Variants in FARP2 observed in about 807,000 individuals in gnomAD.
The protein encoded by FARP2 is FERM, ARHGEF and pleckstrin domain-containing protein 2.
FARP2 carries 111 observed loss-of-function variants against 130.5 expected under a neutral mutation model. The observed-to-expected ratio is 0.85, with a 90% CI of 0.73 to 1.00. The LOEUF is 1.00. Ranked by LOEUF, FARP2 falls within the 50% of genes least tolerant of loss-of-function variation. The pLI, the probability that FARP2 is intolerant of heterozygous loss-of-function variation, is 0.00. For missense variants in FARP2, 1,385 were observed against 1,346.3 expected (o/e 1.03, Z -0.45); for synonymous variants, 504 against 516.9 (o/e 0.98, Z 0.34).
intron 13 of FARP2, 170 bp from the exon 14 acceptor site, chr2:241,456,577 G>C: frequency 1.5e-6 from 1 of 649,028 alleles, no homozygotes; most frequent in Non-Finnish European, 2.7e-6. Context: ...TTCATTTTAT[G>C]TCATGTTTAG....
intron 19 of FARP2, chr2:241,478,197 G>T (rs1178717240): frequency 6.5e-6 from 1 of 154,356 alleles, no homozygotes; most frequent in Non-Finnish European, 1.4e-5. Flanking sequence ...CTACTCGGGA[G>T]GCTAAGGTAG....
intron 1 of FARP2, among the ~76,000 whole-genome samples, chr2:241,359,575 C>T (rs1346051337): frequency 6.6e-6 from 1 of 152,188 alleles, no homozygotes; most frequent in East Asian, 1.9e-4. Flanking sequence ...CACACTATGT[C>T]CTTTGTCCAC....
intron 2 of FARP2, among the ~76,000 whole-genome samples, chr2:241,384,044 G>C (rs1214411554): frequency 6.6e-6 from 1 of 151,546 alleles, no homozygotes; most frequent in Non-Finnish European, 1.5e-5. Context: ...TTATCCCGCT[G>C]GGTCATGGTG....
At position 241,434,196 on chromosome 2, in the gene FARP2, T is replaced by C. The variant is rs190366874; in HGVS notation, c.906T>C (p.Ser302=). ...YQDTLEFLLG[S]RDECKNFWKI... is the part of the protein sequence containing the mutation. ...ACACATTAGAATTTTTGTTGGGTAGTAGAGATGAATGTAAGAACTTCTGGA... is the reference window on the plus strand; with the variant it reads ...ACACATTAGAATTTTTGTTGGGTAGCAGAGATGAATGTAAGAACTTCTGGA... Residue 302 remains serine (S), a synonymous_variant, in exon 10 of 27, where the codon AGT becomes AGC. Coordinates refer to ENST00000264042, the MANE Select transcript of FARP2 (RefSeq NM_014808.4). 1.9e-6 allele frequency: 3 copies of C among 1,613,680 alleles called. No homozygotes were observed. The East Asian group carries it at 6.7e-5, about 36-fold the overall frequency.
chr2:241,418,106 C>T lies in FARP2; in HGVS notation c.768C>T (p.Phe256=). 2 of 1,614,062 alleles carry T rather than the reference C, an allele frequency of 1.2e-6. No homozygotes were observed. The highest frequency in any genetic ancestry group is 1.1e-5 in the South Asian group (1 of 91,072). The change falls in exon 8 of 27, where the codon TTC becomes TTT. Residue 256 remains phenylalanine (F), a synonymous_variant. Transcript: ENST00000264042. ...TTTCCCACATGGGTGTACTCGTGTT[C>T]CAGGTAGGCCAGTGGGGAAGGGAGG... The part of the protein sequence containing the change: ...LAVSHMGVLV[F]QGTTKINTFN...
chr2:241,434,950 CTTTA>C lies in FARP2; in HGVS notation c.1032-9_1032-6del. ...ACTGTTCTTTATTAAAAATCTGAAT[CTTTA>C]TTCACAGTGGAAGAACTCAGAAACA... On this transcript the variant is annotated splice_polypyrimidine_tract_variant and splice_region_variant and intron_variant, in intron 10 of 26. Coordinates refer to ENST00000264042, the MANE Select transcript of FARP2 (RefSeq NM_014808.4). 6.7e-7 allele frequency: 1 copy of C among 1,501,438 alleles called. No individual in the cohort carries two copies. Among genetic ancestry groups the C allele is most frequent in the Middle Eastern group, 1.7e-4 (1 of 5,840 alleles). 93.0% of individuals were successfully genotyped at this position (1,501,438 alleles called of 1,614,324 possible).
At chr2:241,392,357 G>A (rs1260711788) in intron 2 of FARP2, among the ~76,000 whole-genome samples, 1 of 152,222 alleles carries the variant, frequency 6.6e-6, no homozygotes, top group Admixed American at 6.5e-5. Context: ...ACAAAGCAGG[G>A]TAAAGAAGGG....
At chr2:241,378,088 T>C (rs2061579019) in intron 2 of FARP2, among the ~76,000 whole-genome samples, 1 of 152,008 alleles carries the variant, frequency 6.6e-6, no homozygotes, top group Non-Finnish European at 1.5e-5. Flanking sequence ...TTTGAGATGA[T>C]ATTTTTATTT....
intron 2 of FARP2, among the ~76,000 whole-genome samples, chr2:241,393,542 T>G (rs901132617): frequency 6.6e-6 from 1 of 152,192 alleles, no homozygotes; most frequent in Non-Finnish European, 1.5e-5. Context: ...ATTGATCTAA[T>G]TAGGCAATAA....
intron 2 of FARP2, chr2:241,395,656 A>T (rs1046383687): frequency 3.3e-5 from 5 of 152,194 alleles, no homozygotes; most frequent in African/African-American, 1.2e-4. Flanking sequence ...AACTTATGTC[A>T]GGTTGGACTT....
intron 2 of FARP2, among the ~76,000 whole-genome samples, chr2:241,394,110 G>C (rs1160228120): frequency 1.3e-5 from 2 of 152,128 alleles, no homozygotes; most frequent in African/African-American, 4.8e-5. Context: ...TGTTTCATCT[G>C]ATCATTTGGT....
chr2:241,388,158 C>T (rs2061832335), intron 2 of FARP2, among the ~76,000 whole-genome samples: 1 of 152,194 alleles, frequency 6.6e-6, no homozygotes, highest in South Asian at 2.1e-4. Flanking sequence ...TTGGAGGACT[C>T]ACACTTTTCC....
At chr2:241,384,065 GTC>G (rs1388921263) in intron 2 of FARP2, among the ~76,000 whole-genome samples, 27 of 150,560 alleles carry the variant, frequency 1.8e-4, no homozygotes, top group African/African-American at 6.3e-4. Flanking sequence ...AATGCCAAGT[GTC>G]AGAGATATTC....
chr2:241,474,833 A>AAATAAATAAATT (rs2064415260), intron 18 of FARP2, among the ~76,000 whole-genome samples: 1 of 150,978 alleles, frequency 6.6e-6, no homozygotes, highest in Non-Finnish European at 1.5e-5. Flanking sequence ...ATAAATAAAT[A>AAATAAATAAATT]AATAAAAAGA....
chr2:241,441,754 G>T (rs568047113), intron 13 of FARP2, 198 bp downstream of exon 13: 8 of 800,442 alleles, frequency 1.0e-5, no homozygotes, highest in East Asian at 2.7e-5. Flanking sequence ...GCAGTGTCGT[G>T]GGGGGGCCCC....
intron 17 of FARP2, chr2:241,465,510 G>A (rs1215016596): frequency 2.6e-6 from 4 of 1,550,522 alleles, no homozygotes; most frequent in African/African-American, 1.4e-5. Context: ...AAATGGAGTA[G>A]ACTTTTGGAT....
rs921437812 is a variant in FARP2 at position 241,436,685 on chromosome 2, G to A, written c.1158+147G>A. On this transcript the variant is annotated intron_variant, in intron 12 of 26. Transcript: ENST00000264042. Reference sequence around the variant, plus strand: ...AATCCTGGGACTCTGTTTTCAGAAAGGGGTCCTGAATAGAAAGCCAGCAGG... The same window carrying A: ...AATCCTGGGACTCTGTTTTCAGAAAAGGGTCCTGAATAGAAAGCCAGCAGG... 9.3e-5 allele frequency: 69 copies of A among 745,242 alleles called. No homozygotes were observed. The Admixed American group carries it at 1.6e-3, about 17-fold the overall frequency. The allele number at this position is 745,242 out of a possible 1,614,324, so 46.2% of individuals were successfully genotyped here. A position where few individuals can be genotyped will look rare whatever the true frequency, so the allele number is the denominator to read the frequency against.
At chr2:241,460,374 T>G (rs1391987557) in intron 14 of FARP2, among the ~76,000 whole-genome samples, 6 of 152,072 alleles carry the variant, frequency 3.9e-5, no homozygotes, top group Non-Finnish European at 8.8e-5. Flanking sequence ...CTTGTACTTC[T>G]GTGCCCAAGT....
chr2:241,401,672 TTAATTAAACTATGTG>T (rs1303817675), intron 2 of FARP2, among the ~76,000 whole-genome samples: 1 of 152,196 alleles, frequency 6.6e-6, no homozygotes, highest in Non-Finnish European at 1.5e-5. Flanking sequence ...TATTTTTTTC[TTAATTAAACTATGTG>T]TTGTAGACTT....
Sources: allele counts gnomAD v4.1 joint callset (sites outside exome capture counted in the v4.1 genomes callset), GRCh38; gene constraint gnomAD v4.1.1; transcripts MANE v1.5; gene names NCBI Gene and HGNC (gene_info 2026-07-23, HGNC 2026-07-21).